The following SLAMF9 variants were observed in gnomAD, a reference collection of about 807,000 sequenced individuals.
SLAMF9 encodes the protein CD2 family member 10.
Under a neutral mutation model 30.4 loss-of-function variants are expected in SLAMF9, and 25 were observed. That is an observed-to-expected ratio of 0.82 (90% confidence interval 0.60 to 1.15). SLAMF9 has a LOEUF of 1.15. Among genes scored for constraint, SLAMF9 ranks in the 50% most tolerant of loss-of-function variants. The pLI is 0.00. For synonymous variants in SLAMF9, 129 were observed against 127.2 expected (o/e 1.01, Z -0.09); for missense variants, 344 against 346.1 (o/e 0.99, Z 0.05).
At chr1:159,962,753 G>A in the SLAMF9 span, among the ~76,000 whole-genome samples, 1 of 152,222 alleles carries the variant, frequency 6.6e-6, no homozygotes, top group Non-Finnish European at 1.5e-5. Flanking sequence ...AGGTTTACGT[G>A]AAAGGCAGGC....
the SLAMF9 span, chr1:159,976,940 G>GAA: frequency 3.9e-4 from 2 of 5,102 alleles, no homozygotes; most frequent in Admixed American, 4.4e-3. Context: ...AAGAAAGAAA[G>GAA]AAAGAAAGAA....
At chr1:159,956,283 T>C (rs922920406), upstream of SLAMF9, among the ~76,000 whole-genome samples, 1 of 152,052 alleles carries the variant, frequency 6.6e-6, no homozygotes, top group East Asian at 1.9e-4. Flanking sequence ...CTAAGCAACA[T>C]AGAAAGACCC....
the SLAMF9 span, among the ~76,000 whole-genome samples, chr1:159,980,864 CT>C: frequency 6.6e-6 from 1 of 152,226 alleles, no homozygotes; most frequent in African/African-American, 2.4e-5. Context: ...CTCTCTAATG[CT>C]TTCCCTGCTC....
At chr1:159,972,790 C>T in the SLAMF9 span, 1 of 713,100 alleles carries the variant, frequency 1.4e-6, no homozygotes, top group Non-Finnish European at 2.0e-6. Context: ...TCTTCCACAG[C>T]AGGGTCAGCG....
chr1:159,972,969 G>C, the SLAMF9 span: 1 of 1,207,868 alleles, frequency 8.3e-7, no homozygotes, highest in Non-Finnish European at 1.1e-6. Flanking sequence ...AGACCCCTGG[G>C]GGCGTCGCCA....
chr1:159,970,875 A>G, the SLAMF9 span, among the ~76,000 whole-genome samples: 1 of 152,222 alleles, frequency 6.6e-6, no homozygotes, highest in African/African-American at 2.4e-5. Context: ...GTTATGTCTT[A>G]TTGCAGAGGA....
the SLAMF9 span, among the ~76,000 whole-genome samples, chr1:159,982,130 C>T: frequency 6.6e-6 from 1 of 152,216 alleles, no homozygotes; most frequent in African/African-American, 2.4e-5. Context: ...TGTTAGAGTC[C>T]TCCTCCTTTC....
chr1:159,953,367 T>G lies in SLAMF9; in HGVS notation c.333A>C (p.Gln111His). The part of the protein sequence containing the change: ...SWEDSGLYQA[Q>H]VNLRTSQIST... ...AGATCTGGGATGTTCTCAGGTTGAC[T>G]TGAGCTTGGTAAAGCCCTGAATCCT... Residue 111 changes from glutamine to histidine, a missense_variant, in exon 2 of 4, where the codon CAA (glutamine) becomes CAC (histidine). By Grantham distance (24) the Gln-to-His change is conservative (BLOSUM62 0). Transcript: ENST00000368093. 1 of 1,613,780 alleles carries G rather than the reference T, an allele frequency of 6.2e-7. No individual in the cohort carries two copies. The highest frequency in any genetic ancestry group is 1.3e-5 in the African/African-American group (1 of 75,034).
chr1:159,957,121 C>CAAAAAAAAAAA (rs55697835), upstream of SLAMF9, among the ~76,000 whole-genome samples: 1 of 73,184 alleles, frequency 1.4e-5, no homozygotes, highest in African/African-American at 6.2e-5. Context: ...GACTCTGTCT[C>CAAAAAAAAAAA]AAAAAAAAAA....
In SLAMF9 at chr1:159,953,433, C is replaced by T. The variant is rs143559532; in HGVS notation, c.267G>A (p.Leu89=). Residue 89 remains leucine, a synonymous_variant, in exon 2 of 4, where the codon CTG becomes CTA. Transcript: ENST00000368093. ...NPHYQGQVSF[L]DPSYSLHISN... ...TGATATGCAGGGAATAGCTGGGGTC[C>T]AGGAAGCTCACTTGGCCCTGGTAGT... The T allele has an allele frequency of 5.0e-6, 8 of 1,614,208 alleles. No individual in the cohort carries two copies. Among genetic ancestry groups the T allele is most frequent in the Non-Finnish European group, 6.8e-6 (8 of 1,180,030 alleles).
chr1:159,973,411 A>T, the SLAMF9 span: 2 of 506,458 alleles, frequency 3.9e-6, no homozygotes, highest in South Asian at 5.2e-5. Flanking sequence ...TTTCATCACC[A>T]AGACCTGTCC....
the SLAMF9 span, among the ~76,000 whole-genome samples, chr1:159,963,984 T>C: frequency 6.6e-6 from 1 of 152,058 alleles, no homozygotes; most frequent in Non-Finnish European, 1.5e-5. Flanking sequence ...CGCTTGAACC[T>C]GGGAGGCAGA....
chr1:159,976,900 G>T, the SLAMF9 span: 1 of 120,722 alleles, frequency 8.3e-6, no homozygotes, highest in Non-Finnish European at 1.7e-5. Context: ...GAGAAAGAAA[G>T]AAGGAAAGAA....
At chr1:159,961,054 C>A in the SLAMF9 span, among the ~76,000 whole-genome samples, 5 of 152,270 alleles carry the variant, frequency 3.3e-5, no homozygotes, top group African/African-American at 1.2e-4. Flanking sequence ...CCCAGAAAGA[C>A]GTCCTCCACC....
chr1:159,976,993 A>AAAAG, the SLAMF9 span: 1 of 110,592 alleles, frequency 9.0e-6, no homozygotes, highest in Admixed American at 8.9e-5. Context: ...AAAGAAGGAA[A>AAAAG]GAAAGAAAGA....
the SLAMF9 span, among the ~76,000 whole-genome samples, chr1:159,974,863 T>C: frequency 0.014 from 2,199 of 152,256 alleles, 21 homozygotes; most frequent in Middle Eastern, 0.044. Flanking sequence ...CTCATTCCCA[T>C]TATGAGCAAG....
chr1:159,969,323 G>T, the SLAMF9 span, among the ~76,000 whole-genome samples: 1 of 152,156 alleles, frequency 6.6e-6, no homozygotes, highest in East Asian at 1.9e-4. Flanking sequence ...AAGCTCACGT[G>T]ATGAGGTATT....
chr1:159,953,230 C>A, intron 2 of SLAMF9, 79 bp downstream of exon 2: 1 of 1,214,918 alleles, frequency 8.2e-7, no homozygotes, highest in Admixed American at 2.0e-5. Context: ...AACCCCAAGT[C>A]CTGAGACGCC....
the SLAMF9 span, among the ~76,000 whole-genome samples, chr1:159,974,991 T>C: frequency 5.9e-5 from 9 of 152,130 alleles, no homozygotes; most frequent in Non-Finnish European, 1.2e-4. Flanking sequence ...CTGGTTTCTC[T>C]ATTGCCACCA....
Sources: gnomAD v4.1 joint callset for allele counts (sites outside exome capture counted in the v4.1 genomes callset) on GRCh38, gnomAD v4.1.1 for gene constraint, MANE v1.5 for transcripts, NCBI Gene and HGNC (gene_info 2026-07-23, HGNC 2026-07-21) for gene names.